Variants in CDK19 observed in about 807,000 individuals in gnomAD.
CDK19 encodes cyclin dependent kinase 19.
Under a neutral mutation model 68.3 loss-of-function variants are expected in CDK19, and 20 were observed. That is an observed-to-expected ratio of 0.29 (90% CI 0.21 to 0.43). The LOEUF (loss-of-function observed/expected upper bound fraction) is 0.43, where lower values mean the gene tolerates loss of function less well. CDK19 is among the 20% of genes least tolerant of loss of function. CDK19 has a pLI of 1.00. For synonymous variants in CDK19, 221 were observed against 222.8 expected, an observed-to-expected ratio of 0.99 and a Z score of 0.07; for missense variants, 339 against 623.5, an observed-to-expected ratio of 0.54 and a Z score of 4.86.
rs368368412 is a variant in CDK19 at position 110,743,001 on chromosome 6, G to A, written c.204+3125C>T. ...GTTTTGCGGCTCAGGGGACATCACA[G>A]ACCTACCGATATGTGATGTTACCCC... is the stretch of plus-strand genomic sequence containing the variant. On this transcript the variant is annotated intron_variant, in intron 2 of 12. Transcript: ENST00000368911. Among the ~76,000 whole-genome samples, 112 of 152,216 alleles carry A rather than the reference G, an allele frequency of 7.4e-4. 1 individual carries two copies. The highest frequency in any genetic ancestry group is 2.6e-3 in the African/African-American group (107 of 41,544).
chr6:110,714,203 T>C (rs1166916892), intron 2 of CDK19, among the ~76,000 whole-genome samples: 1 of 152,244 alleles, frequency 6.6e-6, no homozygotes, highest in East Asian at 1.9e-4. Flanking sequence ...TCTTGGTGTC[T>C]GGGTTGTTTC....
chr6:110,630,099 T>A (rs1367072197), intron 6 of CDK19, among the ~76,000 whole-genome samples: 1 of 152,132 alleles, frequency 6.6e-6, no homozygotes, highest in African/African-American at 2.4e-5. Flanking sequence ...AGTATATGGG[T>A]CCCGCACAAC....
At chr6:110,708,053 G>A (rs1317150878) in intron 2 of CDK19, among the ~76,000 whole-genome samples, 2 of 152,142 alleles carry the variant, frequency 1.3e-5, no homozygotes, top group African/African-American at 2.4e-5. Flanking sequence ...ATAATGAATA[G>A]TGTGTACATC....
intron 2 of CDK19, among the ~76,000 whole-genome samples, chr6:110,742,240 A>T (rs1383403482): frequency 1.3e-5 from 2 of 152,168 alleles, no homozygotes; most frequent in African/African-American, 2.4e-5. Flanking sequence ...CTTTACTGCA[A>T]TCTCTGAACA....
At chr6:110,777,583 T>C (rs532744695) in intron 1 of CDK19, among the ~76,000 whole-genome samples, 2 of 152,314 alleles carry the variant, frequency 1.3e-5, no homozygotes, top group East Asian at 3.9e-4. Flanking sequence ...AATAGTATAG[T>C]GGTTCATCAA....
At chr6:110,734,621 C>T (rs1233286109) in intron 2 of CDK19, among the ~76,000 whole-genome samples, 1 of 146,816 alleles carries the variant, frequency 6.8e-6, no homozygotes, top group African/African-American at 2.5e-5. Context: ...TCTCCCTTCT[C>T]CACCTGGCTA....
chr6:110,634,348 A>T (rs1582730535), intron 5 of CDK19, among the ~76,000 whole-genome samples: 1 of 151,858 alleles, frequency 6.6e-6, no homozygotes, highest in South Asian at 2.1e-4. Flanking sequence ...TCTAGAGTAG[A>T]TGGGATTACA....
intron 1 of CDK19, chr6:110,814,693 C>T (rs1783443173): frequency 1.8e-6 from 1 of 562,750 alleles, no homozygotes; most frequent in Non-Finnish European, 3.4e-6. Context: ...GAGACTAGAC[C>T]CCACAAACTC....
At chr6:110,810,512 C>G (rs9320347) in intron 1 of CDK19, among the ~76,000 whole-genome samples, 19,799 of 152,104 alleles carry the variant, frequency 0.13, 1,600 homozygotes, top group East Asian at 0.36. Flanking sequence ...AGGTGGCTCA[C>G]GCCTATAATC....
At chr6:110,614,941 C>G (rs6905041) in intron 12 of CDK19, among the ~76,000 whole-genome samples, 1 of 152,002 alleles carries the variant, frequency 6.6e-6, no homozygotes, top group Admixed American at 6.6e-5. Context: ...GAAATTTCAG[C>G]GGACCCATTT....
chr6:110,810,979 T>A (rs972992930), intron 1 of CDK19, among the ~76,000 whole-genome samples: 1 of 152,050 alleles, frequency 6.6e-6, no homozygotes, highest in South Asian at 2.1e-4. Context: ...TTTTTGTTTT[T>A]CCTCCCATGG....
intron 1 of CDK19, among the ~76,000 whole-genome samples, chr6:110,780,942 A>G (rs1215530350): frequency 6.6e-6 from 1 of 152,108 alleles, no homozygotes; most frequent in Non-Finnish European, 1.5e-5. Flanking sequence ...TATAATCTCA[A>G]GTTTGTTCTT....
chr6:110,671,795 TTA>T, intron 2 of CDK19, among the ~76,000 whole-genome samples: 1 of 152,252 alleles, frequency 6.6e-6, no homozygotes, highest in East Asian at 1.9e-4. Flanking sequence ...CTTTTTTTTT[TTA>T]GACAGTGTCT....
chr6:110,620,868 G>C (rs1179037477), intron 12 of CDK19, among the ~76,000 whole-genome samples: 2 of 152,064 alleles, frequency 1.3e-5, no homozygotes, highest in South Asian at 2.1e-4. Context: ...CTTTAAGGAT[G>C]GGGGCACTGG....
intron 1 of CDK19, among the ~76,000 whole-genome samples, chr6:110,808,202 T>C (rs1782816598): frequency 6.6e-6 from 1 of 152,204 alleles, no homozygotes; most frequent in African/African-American, 2.4e-5. Flanking sequence ...TAGCTACTAA[T>C]TAGTTTCTAA....
intron 2 of CDK19, among the ~76,000 whole-genome samples, chr6:110,744,326 A>G (rs544394619): frequency 6.6e-6 from 1 of 152,082 alleles, no homozygotes; most frequent in South Asian, 2.1e-4. Flanking sequence ...CCACTTTATA[A>G]TCAATGGAAA....
At chr6:110,739,095 G>C (rs1042016390) in intron 2 of CDK19, among the ~76,000 whole-genome samples, 1 of 152,176 alleles carries the variant, frequency 6.6e-6, no homozygotes, top group Non-Finnish European at 1.5e-5. Context: ...GAAGAAGTCA[G>C]TATTTCCCTA....
At chr6:110,652,540 C>T (rs1461959846) in intron 4 of CDK19, among the ~76,000 whole-genome samples, 1 of 151,818 alleles carries the variant, frequency 6.6e-6, no homozygotes. Context: ...GAGCTTAAAC[C>T]CTTTAAAAAT....
At chr6:110,787,124 G>A (rs1781276575) in intron 1 of CDK19, among the ~76,000 whole-genome samples, 1 of 152,146 alleles carries the variant, frequency 6.6e-6, no homozygotes, top group Non-Finnish European at 1.5e-5. Context: ...GTAATCCCCA[G>A]CACTTTGGGA....
Sources: allele counts gnomAD v4.1 joint callset (sites outside exome capture counted in the v4.1 genomes callset), GRCh38; gene constraint gnomAD v4.1.1; transcripts MANE v1.5; gene names NCBI Gene and HGNC (gene_info 2026-07-23, HGNC 2026-07-21).